The following FSTL4 variants were observed in gnomAD, a reference collection of about 807,000 sequenced individuals.
FSTL4 encodes follistatin like 4.
Under a neutral mutation model 78.2 loss-of-function variants are expected in FSTL4, and 28 were observed. The observed-to-expected ratio is 0.36, with a 90% CI of 0.27 to 0.49. The LOEUF (loss-of-function observed/expected upper bound fraction) is 0.49. FSTL4 is among the 20% of genes least tolerant of loss of function. FSTL4 has a pLI of 0.98. For missense variants in FSTL4, 922 were observed against 1,084.9 expected, an observed-to-expected ratio of 0.85 and a Z score of 2.11; for synonymous variants, 422 against 440.5, an observed-to-expected ratio of 0.96 and a Z score of 0.53.
the FSTL4 span, among the ~76,000 whole-genome samples, chr5:133,688,919 T>C: frequency 7.9e-5 from 12 of 152,322 alleles, no homozygotes; most frequent in Non-Finnish European, 1.5e-4. Context: ...CAAAGTCCTG[T>C]AGCCTCCTCA....
At chr5:133,838,354 T>A in the FSTL4 span, among the ~76,000 whole-genome samples, 3 of 152,228 alleles carry the variant, frequency 2.0e-5, no homozygotes, top group South Asian at 2.1e-4. Flanking sequence ...TAAAACAAAG[T>A]CAATCATTTA....
chr5:133,591,915 C>G (rs1227125853), intron 2 of FSTL4, among the ~76,000 whole-genome samples: 3 of 152,098 alleles, frequency 2.0e-5, no homozygotes, highest in Non-Finnish European at 2.9e-5. Context: ...CTTCTTTGTA[C>G]ATGAGCATGT....
the FSTL4 span, among the ~76,000 whole-genome samples, chr5:133,707,300 T>C: frequency 3.9e-5 from 6 of 152,218 alleles, no homozygotes; most frequent in Non-Finnish European, 7.3e-5. Context: ...CTCTCACTGA[T>C]GTCTTGCCTA....
At chr5:133,212,620 G>A (rs1241545485) in intron 13 of FSTL4, among the ~76,000 whole-genome samples, 1 of 152,114 alleles carries the variant, frequency 6.6e-6, no homozygotes, top group African/African-American at 2.4e-5. Flanking sequence ...GAGACCCAAT[G>A]GAAAGAATGG....
chr5:133,392,452 G>A (rs1755873319), intron 4 of FSTL4, among the ~76,000 whole-genome samples: 1 of 152,186 alleles, frequency 6.6e-6, no homozygotes, highest in African/African-American at 2.4e-5. Flanking sequence ...ACTGCAGGAA[G>A]GATGCATGCA....
At chr5:133,389,512 G>A (rs892525920) in intron 4 of FSTL4, among the ~76,000 whole-genome samples, 1 of 152,154 alleles carries the variant, frequency 6.6e-6, no homozygotes, top group African/African-American at 2.4e-5. Flanking sequence ...GACCCTTTCT[G>A]ACACCCCTGC....
chr5:133,480,599 C>T (rs149444937), intron 3 of FSTL4, among the ~76,000 whole-genome samples: 20 of 152,096 alleles, frequency 1.3e-4, no homozygotes, highest in Admixed American at 4.6e-4. Flanking sequence ...CTTGTGGGCC[C>T]AGCTCCTGGA....
At chr5:133,245,721 T>G (rs755898815) in intron 7 of FSTL4, among the ~76,000 whole-genome samples, 3 of 152,230 alleles carry the variant, frequency 2.0e-5, no homozygotes, top group Non-Finnish European at 4.4e-5. Context: ...GCCACCTGGA[T>G]GGGCCACACA....
At chr5:133,821,873 C>T in the FSTL4 span, among the ~76,000 whole-genome samples, 1 of 152,070 alleles carries the variant, frequency 6.6e-6, no homozygotes, top group Non-Finnish European at 1.5e-5. Flanking sequence ...AGGAACGTAG[C>T]GGTGCAAGGA....
intron 4 of FSTL4, among the ~76,000 whole-genome samples, chr5:133,373,162 A>G (rs1332522116): frequency 6.6e-6 from 1 of 152,238 alleles, no homozygotes; most frequent in Non-Finnish European, 1.5e-5. Flanking sequence ...ATAGTTGTCT[A>G]AATCACCTAT....
intron 4 of FSTL4, chr5:133,387,631 T>C (rs1380311905): frequency 6.6e-6 from 1 of 152,206 alleles, no homozygotes; most frequent in African/African-American, 2.4e-5. Flanking sequence ...TCACATTGTA[T>C]TGACTGCAAC....
Position 133,236,747 on chromosome 5 carries a change from A to G in FSTL4, c.895-3210T>C, listed in dbSNP as rs1389443597. 6.6e-6 allele frequency among the ~76,000 whole-genome samples: 1 copy of G among 151,990 alleles called. No individual in the cohort carries two copies. Among genetic ancestry groups the G allele is most frequent in the Non-Finnish European group, 1.5e-5 (1 of 67,978 alleles). On this transcript the variant is annotated intron_variant, in intron 7 of 15. Coordinates refer to ENST00000265342, the MANE Select transcript of FSTL4 (RefSeq NM_015082.2). This position sits in a 1 kb window ranked among gnomAD's most constrained non-coding sequence, Gnocchi z 5.0. ...GTGCCAGGCATGCTCCCCTCCTCCCAGGCTGTCTGTCTGTCTCCCTCTCCT... is the reference window on the plus strand; with the variant it reads ...GTGCCAGGCATGCTCCCCTCCTCCCGGGCTGTCTGTCTGTCTCCCTCTCCT...
the FSTL4 span, among the ~76,000 whole-genome samples, chr5:133,743,915 CT>C: frequency 6.6e-6 from 1 of 152,232 alleles, no homozygotes; most frequent in African/African-American, 2.4e-5. Context: ...CAAAGTGAAT[CT>C]CAGGGACTGC....
intron 4 of FSTL4, among the ~76,000 whole-genome samples, chr5:133,357,099 G>T (rs114504734): frequency 3.9e-5 from 6 of 152,332 alleles, no homozygotes; most frequent in African/African-American, 7.2e-5. Context: ...CCCGGGCAGG[G>T]ACCAATATAG....
At chr5:133,687,802 A>G in the FSTL4 span, among the ~76,000 whole-genome samples, 1 of 152,238 alleles carries the variant, frequency 6.6e-6, no homozygotes, top group Admixed American at 6.5e-5. Context: ...TCTCTCTTGC[A>G]CCACAACTTG....
At chr5:133,781,092 C>A in the FSTL4 span, among the ~76,000 whole-genome samples, 1 of 152,212 alleles carries the variant, frequency 6.6e-6, no homozygotes, top group East Asian at 1.9e-4. Flanking sequence ...CTCTTCACTG[C>A]ATGCTCTTGG....
intron 13 of FSTL4, among the ~76,000 whole-genome samples, chr5:133,211,706 T>TC (rs996998778): frequency 1.3e-5 from 2 of 152,186 alleles, no homozygotes; most frequent in Non-Finnish European, 2.9e-5. Context: ...TACATACCCT[T>TC]CCTTACCTCA....
chr5:133,305,225 C>A (rs1753628976), intron 6 of FSTL4, among the ~76,000 whole-genome samples: 2 of 152,232 alleles, frequency 1.3e-5, no homozygotes. Context: ...GGCATACCTG[C>A]AGTGATGGGG....
chr5:133,538,895 G>T lies in FSTL4; in HGVS notation c.160+28291C>A, dbSNP rs115130689. On this transcript the variant is annotated intron_variant, in intron 3 of 15. Transcript: ENST00000265342. ...AGCTGGGAGAGCGGGGGGCTAGCCA[G>T]CTGGGGGCTTGTTGAGCGTCTCTCT... is the stretch of plus-strand genomic sequence containing the variant. 5.7e-3 allele frequency among the ~76,000 whole-genome samples: 868 copies of T among 152,308 alleles called. 4 individuals carry two copies. Among genetic ancestry groups the T allele is most frequent in the Non-Finnish European group, 8.4e-3 (572 of 68,030 alleles).
Sources: gnomAD v4.1 joint callset for allele counts (sites outside exome capture counted in the v4.1 genomes callset) on GRCh38, gnomAD v4.1.1 for gene constraint, Gnocchi (gnomAD v3.1) non-coding constraint, MANE v1.5 for transcripts, NCBI Gene and HGNC (gene_info 2026-07-23, HGNC 2026-07-21) for gene names.